The following MCTP1 variants were observed in gnomAD, a reference collection of about 807,000 sequenced individuals.
MCTP1 encodes multiple C2 and transmembrane domain containing 1.
MCTP1 carries 69 observed loss-of-function variants against 120.6 expected under a neutral mutation model. The observed-to-expected ratio is 0.57, with a 90% confidence interval of 0.47 to 0.70. The LOEUF is 0.70. Among genes scored for constraint, MCTP1 ranks in the 30% least tolerant of loss-of-function variants. The probability of loss-of-function intolerance (pLI) is 0.00; values close to 1 mark genes in which losing one functional copy is unlikely to be tolerated. For synonymous variants in MCTP1, 529 were observed against 493.1 expected (o/e 1.07, Z -0.96); for missense variants, 1,203 against 1,248.8 (o/e 0.96, Z 0.55).
At chr5:95,216,103 T>C (rs1443749644) in intron 1 of MCTP1, among the ~76,000 whole-genome samples, 2 of 152,242 alleles carry the variant, frequency 1.3e-5, no homozygotes, top group African/African-American at 4.8e-5. Context: ...TTAACTCTTA[T>C]CTTTGGCATT....
chr5:95,039,240 G>T (rs1841902224), intron 1 of MCTP1, among the ~76,000 whole-genome samples: 2 of 152,132 alleles, frequency 1.3e-5, no homozygotes. Flanking sequence ...AAACAGATTA[G>T]TATCTAATTG....
At chr5:94,974,340 A>C (rs925406995) in intron 2 of MCTP1, among the ~76,000 whole-genome samples, 1 of 152,112 alleles carries the variant, frequency 6.6e-6, no homozygotes, top group Non-Finnish European at 1.5e-5. Flanking sequence ...TCAGGTCAGG[A>C]GTTTGAGACC....
intron 1 of MCTP1, among the ~76,000 whole-genome samples, chr5:95,135,686 A>G (rs1759397921): frequency 6.6e-6 from 1 of 152,068 alleles, no homozygotes; most frequent in Non-Finnish European, 1.5e-5. Flanking sequence ...CAGTTTTGAG[A>G]CTCGGACTGG....
chr5:94,769,615 T>C (rs1773610178), intron 19 of MCTP1, among the ~76,000 whole-genome samples: 2 of 152,114 alleles, frequency 1.3e-5, no homozygotes, highest in Non-Finnish European at 2.9e-5. Context: ...TTCTAACCAA[T>C]AGAAGCACAG....
At chr5:94,791,123 A>AG (rs1052054517) in intron 18 of MCTP1, among the ~76,000 whole-genome samples, 2 of 150,218 alleles carry the variant, frequency 1.3e-5, no homozygotes, top group African/African-American at 4.9e-5. Context: ...AAAAAAAAAA[A>AG]AAAAAAAAAA....
chr5:94,935,293 A>G (rs1815892149), intron 5 of MCTP1, among the ~76,000 whole-genome samples: 1 of 151,958 alleles, frequency 6.6e-6, no homozygotes, highest in South Asian at 2.1e-4. Flanking sequence ...AGGTTTTTCA[A>G]CTCATTCTTC....
At chr5:94,725,873 G>A (rs542334809) in intron 19 of MCTP1, among the ~76,000 whole-genome samples, 18 of 152,270 alleles carry the variant, frequency 1.2e-4, no homozygotes, top group African/African-American at 4.3e-4. Context: ...TGGAACATAG[G>A]AAGTGCTTGG....
At chr5:94,963,794 C>T (rs78314560) in intron 2 of MCTP1, among the ~76,000 whole-genome samples, 7,770 of 152,074 alleles carry the variant, frequency 0.051, 282 homozygotes, top group Middle Eastern at 0.088. Flanking sequence ...GTTTCCTTTG[C>T]TACACAAAAG....
intron 1 of MCTP1, among the ~76,000 whole-genome samples, chr5:95,170,956 A>G (rs1330370937): frequency 6.6e-6 from 1 of 150,836 alleles, no homozygotes; most frequent in African/African-American, 2.4e-5. Context: ...TGTCATTATG[A>G]CGTTAGCTGG....
Position 95,212,948 on chromosome 5 carries a change from C to T in MCTP1, c.720+70908G>A, listed in dbSNP as rs200909760. 1.8e-3 allele frequency among the ~76,000 whole-genome samples: 273 copies of T among 152,000 alleles called. 3 individuals are homozygous for T. The highest frequency in any genetic ancestry group is 4.4e-3 in the African/African-American group (183 of 41,470). ...AACTGGAAGCATTCCCTTTGAAAAC[C>T]GGCACAAGACAGGGATGCCCTCTCT... On this transcript the variant is annotated intron_variant, in intron 1 of 22. Coordinates refer to ENST00000515393, the MANE Select transcript of MCTP1 (RefSeq NM_024717.7).
chr5:94,962,248 G>A (rs1040836071), intron 2 of MCTP1, among the ~76,000 whole-genome samples: 2 of 152,034 alleles, frequency 1.3e-5, no homozygotes, highest in African/African-American at 4.8e-5. Context: ...ATTCCTTAAA[G>A]AACTAAAAGT....
At position 95,115,713 on chromosome 5, in the gene MCTP1, G is replaced by A. The variant is rs1278710650; in HGVS notation, c.721-98229C>T. ...GTCGAGAAAGAGATAGAGGTAGAAA[G>A]TTTATTCAAAGAGATAATAACACAG... On this transcript the variant is annotated intron_variant, in intron 1 of 22. Transcript: ENST00000515393. Among the ~76,000 whole-genome samples, 4 of 152,054 alleles carry A rather than the reference G, an allele frequency of 2.6e-5. No individual in the cohort carries two copies. In the South Asian group the frequency reaches 6.2e-4, roughly 24 times the overall value.
chr5:95,035,019 G>C (rs1046417860), intron 1 of MCTP1, among the ~76,000 whole-genome samples: 1 of 152,082 alleles, frequency 6.6e-6, no homozygotes, highest in East Asian at 1.9e-4. Flanking sequence ...ATCACAATAA[G>C]ATGCCATCTC....
At chr5:95,160,439 G>T (rs1346333263) in intron 1 of MCTP1, among the ~76,000 whole-genome samples, 2 of 152,100 alleles carry the variant, frequency 1.3e-5, no homozygotes, top group Non-Finnish European at 2.9e-5. Context: ...TAGAACATTT[G>T]CCATGTTCTA....
At chr5:95,068,872 G>A (rs1751372004) in intron 1 of MCTP1, 2 of 1,131,500 alleles carry the variant, frequency 1.8e-6, no homozygotes, top group South Asian at 1.4e-5. Context: ...ATTGTACCTA[G>A]GGACATTATT....
chr5:94,929,694 G>C, intron 6 of MCTP1: 2 of 985,120 alleles, frequency 2.0e-6, no homozygotes, highest in Non-Finnish European at 2.4e-6. Context: ...CAATGTAGCA[G>C]AGTGTGTGAA....
At chr5:94,939,031 A>G (rs548836083) in intron 5 of MCTP1, among the ~76,000 whole-genome samples, 5 of 152,218 alleles carry the variant, frequency 3.3e-5, no homozygotes, top group Admixed American at 2.6e-4. Flanking sequence ...TCCTCAGTGA[A>G]TGAAGTATGG....
At chr5:94,904,263 T>C (rs1806234612) in intron 10 of MCTP1, among the ~76,000 whole-genome samples, 1 of 152,162 alleles carries the variant, frequency 6.6e-6, no homozygotes, top group Admixed American at 6.5e-5. Flanking sequence ...GGACTTTAGA[T>C]TGATCTGGAT....
intron 3 of MCTP1, among the ~76,000 whole-genome samples, chr5:94,944,112 A>G (rs1818379253): frequency 6.6e-6 from 1 of 152,086 alleles, no homozygotes; most frequent in Non-Finnish European, 1.5e-5. Flanking sequence ...TAAAAAATTG[A>G]TACTTAAATA....
Sources: gnomAD v4.1 joint callset for allele counts (sites outside exome capture counted in the v4.1 genomes callset) on GRCh38, gnomAD v4.1.1 for gene constraint, MANE v1.5 for transcripts, NCBI Gene and HGNC (gene_info 2026-07-23, HGNC 2026-07-21) for gene names.